The following EP300 variants were observed in gnomAD, a reference collection of about 807,000 sequenced individuals.
EP300 encodes the protein EP300 lysine acetyltransferase, also known as histone acetyltransferase p300.
Under a neutral mutation model 264.0 loss-of-function variants are expected in EP300, and 31 were observed. The observed-to-expected ratio is 0.12, with a 90% CI of 0.09 to 0.16. EP300 has a LOEUF of 0.16. Ranked by LOEUF, EP300 falls within the 10% of genes least tolerant of loss-of-function variation. The probability of loss-of-function intolerance (pLI) is 1.00; values close to 1 mark genes in which losing one functional copy is unlikely to be tolerated. For synonymous variants in EP300, 1,340 were observed against 1,045.4 expected (o/e 1.28, Z -5.44); for missense variants, 2,766 against 3,052.9 (o/e 0.91, Z 2.21).
Position 41,164,049 on chromosome 22 carries a change from C to T in EP300, c.3729-4C>T, listed in dbSNP as rs1156256923. 1 of 1,614,032 alleles carries T rather than the reference C, an allele frequency of 6.2e-7. No individual in the cohort carries two copies. The highest frequency in any genetic ancestry group is 1.3e-5 in the African/African-American group (1 of 75,040). The stretch of plus-strand genomic sequence containing the variant: ...TAATTTTGGAATTGGCTCTGCTCTT[C>T]CAGGTTTGTTGAATGTACAGAGTGC... On this transcript the variant is annotated splice_polypyrimidine_tract_variant and splice_region_variant and intron_variant, in intron 21 of 30. Coordinates refer to ENST00000263253, the MANE Select transcript of EP300 (RefSeq NM_001429.4).
chr22:41,135,965 T>G, intron 7 of EP300, 59 bp downstream of exon 7: 3 of 1,281,976 alleles, frequency 2.3e-6, no homozygotes, highest in Non-Finnish European at 3.4e-6. Flanking sequence ...GGTTAACAAT[T>G]CATTGTTTGA....
chr22:41,138,407 G>T (rs891778888), intron 8 of EP300, among the ~76,000 whole-genome samples: 1 of 152,036 alleles, frequency 6.6e-6, no homozygotes, highest in African/African-American at 2.4e-5. Flanking sequence ...CAAGTGATCC[G>T]CCTGCCTCAG....
Position 41,140,201 on chromosome 22 carries a change from C to A in EP300, c.1822C>A (p.Leu608Ile). 6.2e-7 allele frequency: 1 copy of A among 1,614,074 alleles called. No homozygotes were observed. The highest frequency in any genetic ancestry group is 1.1e-5 in the South Asian group (1 of 91,086). The change falls in exon 9 of 31, where the codon CTA becomes ATA. Residue 608 changes from leucine (L) to isoleucine (I), a missense_variant. Physicochemically the swap from Leu to Ile is conservative, Grantham distance 5. Transcript: ENST00000263253. ...AALKDRRMENLVAYARKVEGD... is the reference protein window; with the variant it reads ...AALKDRRMENIVAYARKVEGD... ...TTTAAAAGACAGACGGATGGAAAAC[C>A]TAGTTGCATATGCTCGGAAAGTTGA...
At chr22:41,132,459 T>A (rs900633884) in intron 6 of EP300, among the ~76,000 whole-genome samples, 11 of 151,748 alleles carry the variant, frequency 7.2e-5, no homozygotes. Context: ...AGCTAATTTT[T>A]GTATTTTTAG....
chr22:41,094,484 C>T (rs534121124), intron 1 of EP300, among the ~76,000 whole-genome samples: 2 of 152,184 alleles, frequency 1.3e-5, no homozygotes, highest in Non-Finnish European at 1.5e-5. Context: ...TTGCGAGTTC[C>T]TCTACCTAAG....
intron 2 of EP300, among the ~76,000 whole-genome samples, chr22:41,118,535 C>T (rs750950447): frequency 1.3e-5 from 2 of 152,146 alleles, no homozygotes; most frequent in African/African-American, 2.4e-5. Flanking sequence ...GCATGTAGTT[C>T]GTTTTTGTTG....
chr22:41,170,930 TG>T (rs2059166951), intron 27 of EP300, among the ~76,000 whole-genome samples: 2 of 151,008 alleles, frequency 1.3e-5, no homozygotes, highest in East Asian at 3.9e-4. Context: ...CCCAAAGTGC[TG>T]GGATTACAGG....
rs115849119 is a variant in EP300 at position 41,152,194 on chromosome 22, G to A, written c.2998-12G>A. On this transcript the variant is annotated splice_polypyrimidine_tract_variant and intron_variant, in intron 15 of 30. Coordinates refer to ENST00000263253, the MANE Select transcript of EP300 (RefSeq NM_001429.4). ...TCTTTGGAATACTAAAAATTCTTAC[G>A]TTTTCTTTTAGTCTAAAGTGGAAGA... is the stretch of plus-strand genomic sequence containing the variant. The A allele has an allele frequency of 1.4e-3, 2,296 of 1,613,520 alleles. 18 individuals are homozygous for A. The African/African-American group carries it at 0.027, about 19-fold the overall frequency.
chr22:41,149,446 C>T (rs2059030428), intron 13 of EP300, among the ~76,000 whole-genome samples: 1 of 152,074 alleles, frequency 6.6e-6, no homozygotes, highest in South Asian at 2.1e-4. Context: ...TAGAATTAAA[C>T]ACAATGTAGA....
At chr22:41,111,875 CCTTTT>C (rs2058792700) in intron 1 of EP300, among the ~76,000 whole-genome samples, 2 of 114,552 alleles carry the variant, frequency 1.7e-5, no homozygotes, top group Non-Finnish European at 3.5e-5. Flanking sequence ...GAACTTGTAA[CCTTTT>C]TTTTTTTTTT....
rs2145522656 is a variant in EP300, at chr22:41,178,583, C to T, written c.6872C>T (p.Ser2291Phe). Reference protein sequence around the residue: ...QQHMLPNQAQSPHLQGQQIPN... With the variant: ...QQHMLPNQAQFPHLQGQQIPN... ...CATATGCTCCCAAATCAGGCCCAGTCCCCACACCTACAAGGCCAGCAGATC... is the reference window on the plus strand; with the variant it reads ...CATATGCTCCCAAATCAGGCCCAGTTCCCACACCTACAAGGCCAGCAGATC... Residue 2291 changes from serine to phenylalanine, a missense_variant, in exon 31 of 31, where the codon TCC becomes TTC. By Grantham distance (155) the Ser-to-Phe change is radical. Coordinates refer to ENST00000263253, the MANE Select transcript of EP300 (RefSeq NM_001429.4). 6.2e-7 allele frequency: 1 copy of T among 1,614,122 alleles called. No individual in the cohort carries two copies. Among genetic ancestry groups the T allele is most frequent in the South Asian group, 1.1e-5 (1 of 91,068 alleles).
intron 18 of EP300, 38 bp downstream of exon 18, chr22:41,157,446 G>C (rs764333834): frequency 1.2e-6 from 2 of 1,606,648 alleles, no homozygotes; most frequent in Admixed American, 3.3e-5. Flanking sequence ...TAACTTTTCT[G>C]GGATACCTAG....
intron 27 of EP300, among the ~76,000 whole-genome samples, chr22:41,172,260 G>C (rs1440094266): frequency 6.6e-6 from 1 of 152,196 alleles, no homozygotes; most frequent in Non-Finnish European, 1.5e-5. Context: ...TATAAAGGCA[G>C]ATAAGCTCCC....
intron 1 of EP300, 81 bp downstream of exon 1, chr22:41,093,179 T>C (rs1555902281): frequency 1.5e-6 from 2 of 1,367,832 alleles, no homozygotes; most frequent in Non-Finnish European, 2.1e-6. Flanking sequence ...ATTTTTTTTT[T>C]CTTCCTCTCT....
At position 41,176,982 on chromosome 22, in the gene EP300, C is replaced by G. The variant is rs138917060; in HGVS notation, c.5271C>G (p.Ser1757=). The change falls in exon 31 of 31, where the codon TCC becomes TCG. Residue 1757 remains serine (S), a synonymous_variant. Transcript: ENST00000263253. ...GGAATGCCAATTGCTCACTGCCATC[C>G]TGCCAGAAGATGAAGCGGGTTGTGC... ...QCRNANCSLP[S]CQKMKRVVQH... is the part of the protein sequence containing the mutation. 8 of 1,614,186 alleles carry G rather than the reference C, an allele frequency of 5.0e-6. No homozygotes were observed. Among genetic ancestry groups the G allele is most frequent in the Non-Finnish European group, 6.8e-6 (8 of 1,180,032 alleles).
chr22:41,116,551 A>G (rs941673621), intron 1 of EP300, among the ~76,000 whole-genome samples: 4 of 151,988 alleles, frequency 2.6e-5, no homozygotes, highest in African/African-American at 9.7e-5. Context: ...ATCCTTTTTT[A>G]TGGCTGCATA....
chr22:41,122,017 G>A (rs1440577215), intron 2 of EP300, among the ~76,000 whole-genome samples: 3 of 152,074 alleles, frequency 2.0e-5, no homozygotes, highest in Admixed American at 6.6e-5. Context: ...AACATAGGTA[G>A]CAGCAGCACT....
intron 23 of EP300, chr22:41,168,231 CATGT>C (rs2059151385): frequency 1.7e-6 from 1 of 572,830 alleles, no homozygotes; most frequent in South Asian, 2.0e-5. Flanking sequence ...TTTAATAGCA[CATGT>C]ATTAAAATTA....
intron 20 of EP300, among the ~76,000 whole-genome samples, chr22:41,160,967 T>A (rs1485671468): frequency 6.6e-6 from 1 of 150,766 alleles, no homozygotes; most frequent in Non-Finnish European, 1.5e-5. Flanking sequence ...AACATATCCA[T>A]CATAGTAGAA....
Sources: gnomAD v4.1 joint callset for allele counts (sites outside exome capture counted in the v4.1 genomes callset) on GRCh38, gnomAD v4.1.1 for gene constraint, MANE v1.5 for transcripts, NCBI Gene and HGNC (gene_info 2026-07-23, HGNC 2026-07-21) for gene names.